PPP1R9A: variants seen among roughly 807,000 people sequenced by gnomAD.
PPP1R9A encodes neurabin-1.
A neutral mutation model predicts 141.9 loss-of-function variants in PPP1R9A; 59 were observed. The observed-to-expected ratio is 0.42, with a 90% CI of 0.34 to 0.52. The LOEUF is 0.52. PPP1R9A is among the 20% of genes least tolerant of loss of function. The pLI is 0.10. For missense variants in PPP1R9A, 1,444 were observed against 1,611.9 expected (o/e 0.90, Z 1.78); for synonymous variants, 500 against 569.7 (o/e 0.88, Z 1.74).
At chr7:95,249,879 T>C (rs1307026346) in intron 9 of PPP1R9A, 147 bp from the exon 10 acceptor site, 3 of 1,175,216 alleles carry the variant, frequency 2.6e-6, no homozygotes, top group East Asian at 2.6e-5. Flanking sequence ...TGTGGAATTA[T>C]AAAAATAATA....
At chr7:95,070,448 A>G (rs935310775) in intron 2 of PPP1R9A, among the ~76,000 whole-genome samples, 1 of 151,928 alleles carries the variant, frequency 6.6e-6, no homozygotes, top group Non-Finnish European at 1.5e-5. Context: ...GTGAAAGCAA[A>G]TTTAGGCAAT....
chr7:94,980,381 T>C (rs1799956557), intron 2 of PPP1R9A, among the ~76,000 whole-genome samples: 1 of 152,100 alleles, frequency 6.6e-6, no homozygotes, highest in Admixed American at 6.6e-5. Flanking sequence ...TACAGTTATA[T>C]ATATAAAATA....
At position 94,997,231 on chromosome 7, in the gene PPP1R9A, A is replaced by G. The variant is rs1255774019; in HGVS notation, c.1395+85723A>G. On this transcript the variant is annotated intron_variant, in intron 2 of 19. Coordinates refer to ENST00000433360, the MANE Select transcript of PPP1R9A (RefSeq NM_001166160.2). Reference sequence around the variant, plus strand: ...TTATATTAATTATTTTAACATTTCCATGGTCTACTAAGTTTATTATTTCTT... The same window carrying G: ...TTATATTAATTATTTTAACATTTCCGTGGTCTACTAAGTTTATTATTTCTT... Among the ~76,000 whole-genome samples the G allele has an allele frequency of 3.3e-5, 5 of 151,778 alleles. No individual in the cohort carries two copies. In the East Asian group the frequency reaches 5.8e-4, roughly 18 times the overall value.
At chr7:95,190,536 C>A (rs1333910142) in intron 5 of PPP1R9A, among the ~76,000 whole-genome samples, 4 of 152,180 alleles carry the variant, frequency 2.6e-5, no homozygotes, top group African/African-American at 9.6e-5. Flanking sequence ...CGTGGACACA[C>A]TGAGAACCAC....
At chr7:95,225,826 T>A (rs892185972) in intron 7 of PPP1R9A, 135 bp from the exon 8 acceptor site, 40 of 834,560 alleles carry the variant, frequency 4.8e-5, no homozygotes, top group Non-Finnish European at 6.3e-5. Flanking sequence ...GCATGAGGCA[T>A]GCTTGGCTGA....
chr7:95,020,936 C>T (rs1056695167), intron 2 of PPP1R9A, among the ~76,000 whole-genome samples: 1 of 152,276 alleles, frequency 6.6e-6, no homozygotes, highest in African/African-American at 2.4e-5. Flanking sequence ...AGTAAACATA[C>T]GTGTGCATGT....
chr7:95,023,959 C>T (rs578139333), intron 2 of PPP1R9A, among the ~76,000 whole-genome samples: 171 of 152,230 alleles, frequency 1.1e-3, no homozygotes, highest in Non-Finnish European at 2.1e-3. Context: ...CTGCTTTAGC[C>T]GTGTCCCAGA....
chr7:95,074,465 G>GTTTTTTTTTT (rs752728522), intron 2 of PPP1R9A, among the ~76,000 whole-genome samples: 9 of 109,720 alleles, frequency 8.2e-5, no homozygotes, highest in African/African-American at 8.5e-5. Flanking sequence ...GCTTTTTTTT[G>GTTTTTTTTTT]TTTTTTTTTT....
chr7:95,076,166 G>C (rs1432041225), intron 2 of PPP1R9A, among the ~76,000 whole-genome samples: 3 of 152,150 alleles, frequency 2.0e-5, no homozygotes, highest in African/African-American at 7.2e-5. Context: ...GCCTCCGAAA[G>C]TGCTGGGATT....
At chr7:95,087,934 A>C (rs1355146422) in intron 2 of PPP1R9A, among the ~76,000 whole-genome samples, 4 of 151,760 alleles carry the variant, frequency 2.6e-5, no homozygotes, top group Non-Finnish European at 5.9e-5. Context: ...AGGAATCATG[A>C]AAGGGAATTC....
At chr7:94,952,667 A>G (rs760372937) in intron 2 of PPP1R9A, among the ~76,000 whole-genome samples, 1 of 152,134 alleles carries the variant, frequency 6.6e-6, no homozygotes, top group Non-Finnish European at 1.5e-5. Context: ...ATGAGATGGT[A>G]TCTCATTGTG....
In PPP1R9A at chr7:95,291,323, C is replaced by T. The variant is rs1806325974; in HGVS notation, c.*1020C>T. On this transcript the variant is annotated 3_prime_UTR_variant, in exon 20 of 20. Coordinates refer to ENST00000433360, the MANE Select transcript of PPP1R9A (RefSeq NM_001166160.2). ...TTCTACTCAAGATTTCCCAGGTGGGCTCAGTTAGTATTTTAACAAATGTAC... is the reference window on the plus strand; with the variant it reads ...TTCTACTCAAGATTTCCCAGGTGGGTTCAGTTAGTATTTTAACAAATGTAC... 6.6e-6 allele frequency: 1 copy of T among 152,148 alleles called. No individual in the cohort carries two copies. The highest frequency in any genetic ancestry group is 2.1e-4 in the South Asian group (1 of 4,830). The allele number at this position is 152,148 out of a possible 1,614,324, so 9.4% of individuals were successfully genotyped here.
intron 12 of PPP1R9A, among the ~76,000 whole-genome samples, chr7:95,261,547 G>C (rs894108630): frequency 6.6e-6 from 1 of 152,020 alleles, no homozygotes; most frequent in African/African-American, 2.4e-5. Context: ...CATTGAAAAG[G>C]TCATTCAGGT....
At chr7:95,283,789 A>G (rs1804733936) in intron 16 of PPP1R9A, among the ~76,000 whole-genome samples, 1 of 152,204 alleles carries the variant, frequency 6.6e-6, no homozygotes, top group Non-Finnish European at 1.5e-5. Context: ...ATAAAAATTC[A>G]CCATGGCAAT....
At chr7:95,111,431 T>C (rs1563251508) in intron 3 of PPP1R9A, 40 bp downstream of exon 3, 1 of 1,561,708 alleles carries the variant, frequency 6.4e-7, no homozygotes, top group Non-Finnish European at 8.7e-7. Context: ...TATGTTGCTA[T>C]GTTAATAATA....
chr7:95,106,433 C>T (rs1819524179), intron 2 of PPP1R9A, among the ~76,000 whole-genome samples: 1 of 152,138 alleles, frequency 6.6e-6, no homozygotes, highest in African/African-American at 2.4e-5. Flanking sequence ...TTCTCTTTAT[C>T]TGCAGCATGC....
intron 2 of PPP1R9A, among the ~76,000 whole-genome samples, chr7:94,973,211 A>G (rs1481487736): frequency 9.9e-5 from 15 of 152,212 alleles, no homozygotes; most frequent in Admixed American, 9.8e-4. Flanking sequence ...CATCATAAAA[A>G]TAATGTGTTT....
intron 7 of PPP1R9A, among the ~76,000 whole-genome samples, chr7:95,224,361 T>C (rs1242462717): frequency 6.6e-6 from 1 of 152,156 alleles, no homozygotes; most frequent in African/African-American, 2.4e-5. Flanking sequence ...AGCTTACTTC[T>C]GTACACAGAT....
chr7:94,999,079 A>G (rs1006087777), intron 2 of PPP1R9A, among the ~76,000 whole-genome samples: 1 of 152,042 alleles, frequency 6.6e-6, no homozygotes. Flanking sequence ...ATTCCTCTTC[A>G]ATTGTTGTGT....
Sources: gnomAD v4.1 joint callset for allele counts (sites outside exome capture counted in the v4.1 genomes callset) on GRCh38, gnomAD v4.1.1 for gene constraint, MANE v1.5 for transcripts, NCBI Gene and HGNC (gene_info 2026-07-23, HGNC 2026-07-21) for gene names.